Variants in FER1L6 observed in about 807,000 individuals in gnomAD.
FER1L6 encodes fer-1 like family member 6.
Under a neutral mutation model 219.2 loss-of-function variants are expected in FER1L6, and 177 were observed. The ratio of observed to expected loss-of-function variants is 0.81; its 90% confidence interval spans 0.71 to 0.91. FER1L6 has a LOEUF of 0.91. Among genes scored for constraint, FER1L6 ranks in the 40% least tolerant of loss-of-function variants. The pLI is 0.00. For missense variants in FER1L6, 2,153 were observed against 2,259.9 expected (o/e 0.95, Z 0.96); for synonymous variants, 768 against 824.3 (o/e 0.93, Z 1.17).
chr8:123,968,337 A>T (rs1395649926), intron 5 of FER1L6, among the ~76,000 whole-genome samples: 2 of 152,196 alleles, frequency 1.3e-5, no homozygotes, highest in Non-Finnish European at 2.9e-5. Context: ...ACAAAAGTTG[A>T]TCTAAAAACC....
intron 1 of FER1L6, among the ~76,000 whole-genome samples, chr8:123,864,304 G>A (rs1489453098): frequency 6.8e-6 from 1 of 147,994 alleles, no homozygotes; most frequent in Non-Finnish European, 1.5e-5. Flanking sequence ...TTGAATATTG[G>A]CCCCCACTCT....
intron 1 of FER1L6, among the ~76,000 whole-genome samples, chr8:123,920,868 C>A (rs1353938251): frequency 6.6e-6 from 1 of 152,194 alleles, no homozygotes; most frequent in Non-Finnish European, 1.5e-5. Context: ...CTGGCAACTA[C>A]CGTTCTACTT....
intron 31 of FER1L6, 135 bp from the exon 32 acceptor site, chr8:124,076,063 A>G: frequency 9.1e-7 from 1 of 1,098,628 alleles, no homozygotes; most frequent in Non-Finnish European, 1.3e-6. Flanking sequence ...AAAAGCCCAA[A>G]GCCCTGGCCC....
intron 1 of FER1L6, among the ~76,000 whole-genome samples, chr8:123,909,756 TC>T (rs2129764337): frequency 1.3e-4 from 1 of 7,694 alleles, no homozygotes; most frequent in South Asian, 8.8e-3. Context: ...ATGATAGCTG[TC>T]CTTGTCAACT....
chr8:124,076,704 A>G (rs1821308836), intron 32 of FER1L6, among the ~76,000 whole-genome samples: 1 of 152,162 alleles, frequency 6.6e-6, no homozygotes, highest in Non-Finnish European at 1.5e-5. Flanking sequence ...TGTGCTTTTG[A>G]ACAGAGCAGA....
At chr8:123,990,101 TAC>T (rs1816778723) in intron 12 of FER1L6, among the ~76,000 whole-genome samples, 2 of 152,098 alleles carry the variant, frequency 1.3e-5, no homozygotes, top group African/African-American at 4.8e-5. Context: ...ACCCCGTCTC[TAC>T]TAAAAATACA....
At chr8:124,110,704 G>C (rs1208990745) in intron 39 of FER1L6, among the ~76,000 whole-genome samples, 1 of 152,052 alleles carries the variant, frequency 6.6e-6, no homozygotes, top group African/African-American at 2.4e-5. Flanking sequence ...AATATAACTA[G>C]TTCTCAGGAG....
intron 32 of FER1L6, among the ~76,000 whole-genome samples, chr8:124,080,613 C>T (rs1185353492): frequency 1.3e-5 from 2 of 152,236 alleles, no homozygotes; most frequent in South Asian, 2.1e-4. Context: ...CCACCGCTCC[C>T]GGCCCTGTTT....
chr8:123,980,298 G>A (rs1816265891), intron 10 of FER1L6, among the ~76,000 whole-genome samples, 167 bp from the exon 11 acceptor site: 1 of 152,222 alleles, frequency 6.6e-6, no homozygotes, highest in Non-Finnish European at 1.5e-5. Flanking sequence ...ATGCAAAAAA[G>A]ACTAGAAGGA....
chr8:123,897,685 T>G (rs895697481), intron 1 of FER1L6, among the ~76,000 whole-genome samples: 1 of 152,344 alleles, frequency 6.6e-6, no homozygotes, highest in South Asian at 2.1e-4. Flanking sequence ...CATGTTTCAG[T>G]GAATAATCAA....
intron 1 of FER1L6, among the ~76,000 whole-genome samples, chr8:123,870,299 A>G (rs1816903956): frequency 6.6e-6 from 1 of 152,206 alleles, no homozygotes; most frequent in Non-Finnish European, 1.5e-5. Flanking sequence ...GCTTCTAGGT[A>G]TTTGCACAAC....
chr8:123,999,409 G>A (rs975366535), intron 12 of FER1L6, among the ~76,000 whole-genome samples: 3 of 152,194 alleles, frequency 2.0e-5, no homozygotes, highest in African/African-American at 7.2e-5. Context: ...ACTTTGGAAG[G>A]CCAAGCCAGG....
chr8:124,071,892 A>G (rs147405403), intron 31 of FER1L6, among the ~76,000 whole-genome samples: 47 of 152,154 alleles, frequency 3.1e-4, no homozygotes, highest in African/African-American at 9.6e-4. Flanking sequence ...GCGAGCTCTG[A>G]TATCTCCTCC....
At chr8:124,057,695 T>A (rs1181480538) in intron 22 of FER1L6, among the ~76,000 whole-genome samples, 1 of 152,194 alleles carries the variant, frequency 6.6e-6, no homozygotes, top group African/African-American at 2.4e-5. Flanking sequence ...CTTTTATGCA[T>A]TGTCTATCAT....
chr8:123,866,851 T>G (rs1816847061), intron 1 of FER1L6, among the ~76,000 whole-genome samples: 1 of 152,206 alleles, frequency 6.6e-6, no homozygotes, highest in Non-Finnish European at 1.5e-5. Flanking sequence ...ACTCCTGGCC[T>G]CTAGCACTCC....
At chr8:123,854,771 G>C (rs955279925) in intron 1 of FER1L6, among the ~76,000 whole-genome samples, 2 of 152,132 alleles carry the variant, frequency 1.3e-5, no homozygotes, top group Admixed American at 6.6e-5. Context: ...GGCATGGTGG[G>C]GGATAGCGGG....
chr8:123,966,324 T>G (rs1015901108), intron 5 of FER1L6, 34 bp downstream of exon 5: 2 of 1,611,714 alleles, frequency 1.2e-6, no homozygotes, highest in Non-Finnish European at 1.7e-6. Context: ...GCTTTTGCAC[T>G]AAGATTCTCT....
At chr8:124,019,601 A>G (rs6470209) in intron 16 of FER1L6, among the ~76,000 whole-genome samples, 98,659 of 152,098 alleles carry the variant, frequency 0.65, 33,845 homozygotes, top group African/African-American at 0.88. Flanking sequence ...AGAAGAACGT[A>G]GTGCTTGTCC....
intron 12 of FER1L6, among the ~76,000 whole-genome samples, chr8:123,994,062 C>T (rs1464967618): frequency 1.3e-5 from 2 of 152,214 alleles, no homozygotes; most frequent in Non-Finnish European, 2.9e-5. Context: ...TGCTGTTATT[C>T]TACCTGAAGG....
Sources: allele counts gnomAD v4.1 joint callset (sites outside exome capture counted in the v4.1 genomes callset), GRCh38; gene constraint gnomAD v4.1.1; transcripts MANE v1.5; gene names NCBI Gene and HGNC (gene_info 2026-07-23, HGNC 2026-07-21).